Variants in SORCS1 observed in about 807,000 individuals in gnomAD.
The protein encoded by SORCS1 is sortilin related VPS10 domain containing receptor 1, also known as VPS10 domain-containing receptor SorCS1.
SORCS1 carries 60 observed loss-of-function variants against 146.1 expected under a neutral mutation model. The ratio of observed to expected loss-of-function variants is 0.41; its 90% CI spans 0.33 to 0.51. The LOEUF (loss-of-function observed/expected upper bound fraction) is 0.51, where lower values mean the gene tolerates loss of function less well. SORCS1 is among the 20% of genes least tolerant of loss of function. SORCS1 has a pLI of 0.21. For missense variants in SORCS1, 1,352 were observed against 1,487.6 expected (o/e 0.91, Z 1.50); for synonymous variants, 637 against 584.0 (o/e 1.09, Z -1.31).
chr10:107,118,530 T>C (rs1966192073), intron 1 of SORCS1, among the ~76,000 whole-genome samples: 2 of 152,228 alleles, frequency 1.3e-5, no homozygotes, highest in Non-Finnish European at 2.9e-5. Context: ...TAACATCCAA[T>C]GTCCTTTGAT....
At chr10:107,059,365 C>T (rs919487308) in intron 1 of SORCS1, among the ~76,000 whole-genome samples, 3 of 152,180 alleles carry the variant, frequency 2.0e-5, no homozygotes, top group African/African-American at 4.8e-5. Context: ...GTTTCCTACA[C>T]AATCTTATTT....
chr10:106,844,562 TTC>T (rs1949223531), intron 2 of SORCS1, among the ~76,000 whole-genome samples: 2 of 151,320 alleles, frequency 1.3e-5, no homozygotes, highest in Non-Finnish European at 1.5e-5. Context: ...TTTACTGAAT[TTC>T]TTTTTTTTTT....
intron 1 of SORCS1, among the ~76,000 whole-genome samples, chr10:107,052,743 C>A (rs1960237197): frequency 6.6e-6 from 1 of 152,108 alleles, no homozygotes; most frequent in African/African-American, 2.4e-5. Context: ...ATTCTGCTAC[C>A]TGTCAACTTC....
At chr10:106,731,110 C>A (rs1265983917) in intron 5 of SORCS1, among the ~76,000 whole-genome samples, 1 of 151,562 alleles carries the variant, frequency 6.6e-6, no homozygotes, top group Admixed American at 6.6e-5. Flanking sequence ...GAGATTGAGA[C>A]CATCCTGGCT....
chr10:107,009,575 A>C (rs1957606544), intron 1 of SORCS1, among the ~76,000 whole-genome samples: 1 of 152,338 alleles, frequency 6.6e-6, no homozygotes, highest in Non-Finnish European at 1.5e-5. Flanking sequence ...CTATGGATAA[A>C]ATATCTGGAA....
At chr10:106,715,413 T>C (rs1041905577) in intron 6 of SORCS1, among the ~76,000 whole-genome samples, 1 of 152,190 alleles carries the variant, frequency 6.6e-6, no homozygotes, top group African/African-American at 2.4e-5. Flanking sequence ...CCAAAACCTG[T>C]GCTGTTCTAG....
chr10:107,109,611 C>A (rs1285267751), intron 1 of SORCS1, among the ~76,000 whole-genome samples: 4 of 152,186 alleles, frequency 2.6e-5, no homozygotes, highest in Non-Finnish European at 4.4e-5. Context: ...GAAGGGCTGC[C>A]ACAAACCTCT....
chr10:107,074,367 T>C (rs1962704943), intron 1 of SORCS1, among the ~76,000 whole-genome samples: 1 of 152,218 alleles, frequency 6.6e-6, no homozygotes, highest in Non-Finnish European at 1.5e-5. Context: ...TCTTCATGAC[T>C]TGATAGCTCA....
intron 2 of SORCS1, among the ~76,000 whole-genome samples, chr10:106,876,817 CA>C (rs1287443725): frequency 2.0e-5 from 3 of 152,182 alleles, no homozygotes; most frequent in Admixed American, 6.5e-5. Context: ...ACTTCTTTCC[CA>C]TGTCACAATA....
At chr10:107,038,700 G>GGGT (rs1554927935) in intron 1 of SORCS1, among the ~76,000 whole-genome samples, 1 of 19,176 alleles carries the variant, frequency 5.2e-5, no homozygotes, top group East Asian at 3.9e-4. Context: ...AGGGGGCGGG[G>GGGT]GGGGAGGTGG....
At chr10:106,887,324 C>G (rs2137818697) in intron 2 of SORCS1, among the ~76,000 whole-genome samples, 1 of 152,256 alleles carries the variant, frequency 6.6e-6, no homozygotes, top group Admixed American at 6.5e-5. Flanking sequence ...TAATTCACAT[C>G]TTTACAGTAT....
At chr10:106,871,848 A>C (rs2137583570) in intron 2 of SORCS1, among the ~76,000 whole-genome samples, 1 of 151,738 alleles carries the variant, frequency 6.6e-6, no homozygotes, top group African/African-American at 2.4e-5. Context: ...CCATGACATA[A>C]GTTTACCTAT....
intron 1 of SORCS1, among the ~76,000 whole-genome samples, chr10:107,038,185 T>C (rs545558693): frequency 7.9e-5 from 12 of 152,242 alleles, no homozygotes; most frequent in South Asian, 4.2e-4. Flanking sequence ...AACAAAGCTA[T>C]AGAGGAAAAA....
intron 18 of SORCS1, among the ~76,000 whole-genome samples, chr10:106,651,179 G>A (rs1048568443): frequency 6.6e-5 from 10 of 152,130 alleles, no homozygotes; most frequent in Non-Finnish European, 1.0e-4. Context: ...TATGCACATC[G>A]TTTGAGCTAG....
chr10:106,756,355 T>TA (rs1408939452), intron 5 of SORCS1, among the ~76,000 whole-genome samples: 3 of 152,156 alleles, frequency 2.0e-5, no homozygotes, highest in African/African-American at 7.2e-5. Flanking sequence ...TTTGATGAAG[T>TA]AGGTATTAAT....
intron 1 of SORCS1, among the ~76,000 whole-genome samples, chr10:107,132,000 T>C (rs561594316): frequency 6.6e-6 from 1 of 152,240 alleles, no homozygotes; most frequent in East Asian, 1.9e-4. Flanking sequence ...AATGTTTCTT[T>C]CTTTGAGAAG....
intron 9 of SORCS1, among the ~76,000 whole-genome samples, chr10:106,692,219 T>C (rs1205867417): frequency 6.6e-6 from 1 of 152,036 alleles, no homozygotes; most frequent in Non-Finnish European, 1.5e-5. Flanking sequence ...TTTTGGGTTC[T>C]TTTGTTTGTT....
chr10:106,579,805 G>A (rs1844796171), intron 24 of SORCS1, among the ~76,000 whole-genome samples: 1 of 151,984 alleles, frequency 6.6e-6, no homozygotes, highest in Non-Finnish European at 1.5e-5. Context: ...AAAAATAATG[G>A]TATATACTTC....
intron 20 of SORCS1, among the ~76,000 whole-genome samples, chr10:106,619,056 T>C (rs553439014): frequency 1.3e-5 from 2 of 152,304 alleles, no homozygotes; most frequent in South Asian, 2.1e-4. Context: ...ATTCCCTGTA[T>C]GGCAGAAAGA....
Sources: allele counts gnomAD v4.1 joint callset (sites outside exome capture counted in the v4.1 genomes callset), GRCh38; gene constraint gnomAD v4.1.1; transcripts MANE v1.5; gene names NCBI Gene and HGNC (gene_info 2026-07-23, HGNC 2026-07-21).